YME1L1: variants seen among roughly 807,000 people sequenced by gnomAD.
YME1L1 encodes the protein ATP-dependent zinc metalloprotease YME1L1.
In YME1L1, 39 loss-of-function variants were observed where a neutral mutation model predicts 90.4. That is an observed-to-expected ratio of 0.43 (90% CI 0.33 to 0.56). The LOEUF (loss-of-function observed/expected upper bound fraction) is 0.56, where lower values mean the gene tolerates loss of function less well. Among genes scored for constraint, YME1L1 ranks in the 20% least tolerant of loss-of-function variants. The pLI is 0.03. For missense variants in YME1L1, 617 were observed against 868.4 expected (o/e 0.71, Z 3.64); for synonymous variants, 284 against 287.3 (o/e 0.99, Z 0.12).
At chr10:27,153,067 T>C (rs892159663) in intron 1 of YME1L1, among the ~76,000 whole-genome samples, 1 of 152,226 alleles carries the variant, frequency 6.6e-6, no homozygotes, top group Non-Finnish European at 1.5e-5. Context: ...ACACTAGCCT[T>C]ATTTTTGTTC....
intron 3 of YME1L1, 49 bp from the exon 4 acceptor site, chr10:27,142,534 A>C (rs777054858): frequency 1.1e-6 from 1 of 902,816 alleles, no homozygotes; most frequent in East Asian, 2.9e-5. Flanking sequence ...AAACCAAAAA[A>C]CAAAAATCCT....
intron 8 of YME1L1, among the ~76,000 whole-genome samples, chr10:27,129,983 T>C (rs1230895767): frequency 1.3e-5 from 2 of 152,328 alleles, no homozygotes; most frequent in East Asian, 3.9e-4. Flanking sequence ...AGATACATTA[T>C]CTGTGCTCTT....
chr10:27,149,702 C>A (rs2057187188), intron 1 of YME1L1, among the ~76,000 whole-genome samples: 2 of 110,198 alleles, frequency 1.8e-5, no homozygotes, highest in Non-Finnish European at 3.4e-5. Context: ...CAGGGTGAGA[C>A]CTGTCTCTCA....
chr10:27,122,653 C>T lies in YME1L1; in HGVS notation c.1235+188G>A, dbSNP rs996951694. On this transcript the variant is annotated intron_variant, in intron 11 of 18. Transcript: ENST00000376016. ...TATCCAGTTAGTAATGAAAACAATA[C>T]AATACTGAGAGAAAAAGCTTGTCTT... 5.3e-5 allele frequency among the ~76,000 whole-genome samples: 8 copies of T among 152,060 alleles called. No individual in the cohort carries two copies. In the East Asian group the frequency reaches 1.5e-3, roughly 29 times the overall value.
In YME1L1 at chr10:27,111,920, G is replaced by A; in HGVS notation, c.*57C>T. 2 of 1,589,528 alleles carry A rather than the reference G, an allele frequency of 1.3e-6. No individual in the cohort carries two copies. The highest frequency in any genetic ancestry group is 1.7e-4 in the Middle Eastern group (1 of 6,024). Reference sequence around the variant, plus strand: ...GAAAGCGTTGTAAAAGTAGACTACTGCAATGCTACTTGTATTCTTGCAATA... The same window carrying A: ...GAAAGCGTTGTAAAAGTAGACTACTACAATGCTACTTGTATTCTTGCAATA... On this transcript the variant is annotated 3_prime_UTR_variant, in exon 19 of 19. Transcript: ENST00000376016.
intron 1 of YME1L1, among the ~76,000 whole-genome samples, chr10:27,149,243 A>C (rs2057180899): frequency 1.3e-5 from 2 of 152,238 alleles, no homozygotes; most frequent in South Asian, 4.1e-4. Context: ...TATGTAAATC[A>C]AAAGTATCAA....
intron 16 of YME1L1, 27 bp from the exon 17 acceptor site, chr10:27,116,160 T>A: frequency 6.2e-7 from 1 of 1,613,654 alleles, no homozygotes; most frequent in Non-Finnish European, 8.5e-7. Context: ...ACATACCATT[T>A]TAAAACATAT....
rs2057023144 is a variant in YME1L1 at position 27,136,014 on chromosome 10, T to C, written c.540+262A>G. Reference sequence around the variant, plus strand: ...AAACGTAGGTTGATAGCCAGGTTTTTAGCTTGGGTGGATGCTGCTCATTAA... The same window carrying C: ...AAACGTAGGTTGATAGCCAGGTTTTCAGCTTGGGTGGATGCTGCTCATTAA... On this transcript the variant is annotated intron_variant, in intron 5 of 18. Transcript: ENST00000376016. Among the ~76,000 whole-genome samples, 3 of 152,298 alleles carry C rather than the reference T, an allele frequency of 2.0e-5. No homozygotes were observed. In the South Asian group the frequency reaches 6.2e-4, roughly 32 times the overall value.
chr10:27,135,828 G>A (rs2057021669), intron 5 of YME1L1, among the ~76,000 whole-genome samples: 1 of 152,222 alleles, frequency 6.6e-6, no homozygotes, highest in African/African-American at 2.4e-5. Context: ...AACGCAGCAA[G>A]ACTAGAGGCA....
chr10:27,153,093 C>T (rs1409298928), intron 1 of YME1L1: 1 of 446,528 alleles, frequency 2.2e-6, no homozygotes, highest in African/African-American at 2.0e-5. Context: ...ACCTGCTAAA[C>T]CCTTTCCTAA....
Position 27,134,032 on chromosome 10 carries a change from C to T in YME1L1, c.775+7G>A, listed in dbSNP as rs757403171. The T allele has an allele frequency of 5.6e-6, 9 of 1,599,086 alleles. No individual in the cohort carries two copies. The highest frequency in any genetic ancestry group is 6.8e-6 in the Non-Finnish European group (8 of 1,170,154). On this transcript the variant is annotated splice_region_variant and intron_variant, in intron 7 of 18. Transcript: ENST00000376016. ...AAATAAGTTAGACAAATAAAAAAAG[C>T]TTTTACCAGATAAAAATGGGTTTTT...
chr10:27,138,208 G>A (rs2057049457), intron 4 of YME1L1, among the ~76,000 whole-genome samples: 2 of 152,058 alleles, frequency 1.3e-5, no homozygotes, highest in Admixed American at 1.3e-4. Flanking sequence ...TTTAATTTTA[G>A]TTATTTGTAA....
chr10:27,154,356 C>T lies in YME1L1; in HGVS notation c.-146G>A. ...CCTCCCAGAAACGGAAAATGGCCTC[C>T]CCTTCCTACAGCTACTGCAACGACA... On this transcript the variant is annotated 5_prime_UTR_variant, in exon 1 of 19. Transcript: ENST00000376016. 1 of 919,962 alleles carries T rather than the reference C, an allele frequency of 1.1e-6. No individual in the cohort carries two copies. The highest frequency in any genetic ancestry group is 3.5e-4 in the Middle Eastern group (1 of 2,846). The allele number at this position is 919,962 out of a possible 1,614,324, so 57.0% of individuals were successfully genotyped here.
rs377256565 is a variant in YME1L1, at chr10:27,148,356, C to T, written c.168+550G>A. On this transcript the variant is annotated intron_variant, in intron 2 of 18. Coordinates refer to ENST00000376016, the MANE Select transcript of YME1L1 (RefSeq NM_014263.4). The stretch of plus-strand genomic sequence containing the variant: ...TAGCTGGGACTACAGGCGCACGCCA[C>T]CACACCCGGCTAATTTTTGTATTTC... Among the ~76,000 whole-genome samples, 65 of 152,264 alleles carry T rather than the reference C, an allele frequency of 4.3e-4. 1 individual carries two copies. The South Asian group carries it at 0.012, about 28-fold the overall frequency.
intron 18 of YME1L1, among the ~76,000 whole-genome samples, chr10:27,114,243 T>C (rs545526626): frequency 2.0e-4 from 31 of 152,282 alleles, no homozygotes; most frequent in African/African-American, 7.5e-4. Flanking sequence ...ACCCTGAGAA[T>C]TGAATTTTTA....
intron 4 of YME1L1, among the ~76,000 whole-genome samples, chr10:27,138,834 A>C (rs189685580): frequency 9.1e-4 from 139 of 152,246 alleles, no homozygotes; most frequent in South Asian, 2.1e-3. Flanking sequence ...TGAAAAAAAA[A>C]CCAGGATACT....
At chr10:27,154,111 G>A in intron 1 of YME1L1, 67 bp downstream of exon 1, 7 of 1,545,486 alleles carry the variant, frequency 4.5e-6, no homozygotes, top group East Asian at 4.8e-5. Context: ...TCGCTTCCAC[G>A]AGCGCAATTT....
Position 27,114,509 on chromosome 10 carries a change from A to C in YME1L1, c.2007+12T>G, listed in dbSNP as rs2056791785. The C allele has an allele frequency of 6.3e-7, 1 of 1,598,944 alleles. No homozygotes were observed. The highest frequency in any genetic ancestry group is 1.4e-5 in the African/African-American group (1 of 73,928). ...TCCTAAGAAAATAAATAAGCACAAAAAATATTATTACCCTTAGAAGGATTC... is the reference window on the plus strand; with the variant it reads ...TCCTAAGAAAATAAATAAGCACAAACAATATTATTACCCTTAGAAGGATTC... On this transcript the variant is annotated intron_variant, in intron 18 of 18. Coordinates refer to ENST00000376016, the MANE Select transcript of YME1L1 (RefSeq NM_014263.4).
At position 27,123,602 on chromosome 10, in the gene YME1L1, G is replaced by T. The variant is rs368632098; in HGVS notation, c.1047C>A (p.Ser349=). ...ADVPFYYASG[S]EFDEMFVGVG... ...CACCCACAAACATCTCATCAAATTC[G>T]GATCCAGAAGCATAATAAAAAGGAA... The change falls in exon 10 of 19, where the codon TCC becomes TCA. Residue 349 remains serine (S), a synonymous_variant. Coordinates refer to ENST00000376016, the MANE Select transcript of YME1L1 (RefSeq NM_014263.4). 2 of 1,613,710 alleles carry T rather than the reference G, an allele frequency of 1.2e-6. No homozygotes were observed. Among genetic ancestry groups the T allele is most frequent in the Non-Finnish European group, 1.7e-6 (2 of 1,179,866 alleles).
Sources: allele counts gnomAD v4.1 joint callset (sites outside exome capture counted in the v4.1 genomes callset), GRCh38; gene constraint gnomAD v4.1.1; transcripts MANE v1.5; gene names NCBI Gene and HGNC (gene_info 2026-07-23, HGNC 2026-07-21).